The following METTL15 variants were observed in gnomAD, a reference collection of about 807,000 sequenced individuals.
METTL15 encodes 12S rRNA N(4)-cytidine methyltransferase METTL15.
In METTL15, 34 loss-of-function variants were observed where a neutral mutation model predicts 38.3. The observed-to-expected ratio is 0.89, with a 90% CI of 0.68 to 1.18. METTL15 has a LOEUF of 1.18. Among genes scored for constraint, METTL15 ranks in the 50% most tolerant of loss-of-function variants. METTL15 has a pLI of 0.00. For synonymous variants in METTL15, 162 were observed against 170.9 expected (o/e 0.95, Z 0.41); for missense variants, 438 against 498.4 (o/e 0.88, Z 1.15).
At chr11:28,230,700 G>C (rs535032738) in intron 4 of METTL15, among the ~76,000 whole-genome samples, 3 of 151,950 alleles carry the variant, frequency 2.0e-5, no homozygotes, top group South Asian at 2.1e-4. Flanking sequence ...ATAATTACAT[G>C]TATAATCCTC....
intron 5 of METTL15, among the ~76,000 whole-genome samples, chr11:28,378,191 G>A (rs938555116): frequency 8.5e-5 from 13 of 152,170 alleles, no homozygotes; most frequent in Non-Finnish European, 1.5e-4. Context: ...CACCCAGTTC[G>A]AGCTTCCTGG....
chr11:28,382,092 A>T (rs1021745562), intron 5 of METTL15, among the ~76,000 whole-genome samples: 5 of 152,180 alleles, frequency 3.3e-5, no homozygotes, highest in Non-Finnish European at 7.3e-5. Context: ...CCAATAGATC[A>T]CTACCTCTTT....
chr11:28,381,430 T>G (rs1850383072), intron 5 of METTL15, among the ~76,000 whole-genome samples: 1 of 152,188 alleles, frequency 6.6e-6, no homozygotes, highest in Admixed American at 6.5e-5. Context: ...TCTAATTATT[T>G]TTTTGAATAA....
intron 6 of METTL15, among the ~76,000 whole-genome samples, chr11:28,444,027 A>G (rs1393562158): frequency 6.6e-6 from 1 of 152,228 alleles, no homozygotes; most frequent in Non-Finnish European, 1.5e-5. Flanking sequence ...ATGTAATTAC[A>G]AACTATAAAC....
At chr11:28,269,391 A>G (rs1052015191) in intron 4 of METTL15, among the ~76,000 whole-genome samples, 1 of 152,054 alleles carries the variant, frequency 6.6e-6, no homozygotes, top group Non-Finnish European at 1.5e-5. Context: ...TGTGTAATAT[A>G]TTTAAATATA....
At chr11:28,531,722 A>G, downstream of METTL15, among the ~76,000 whole-genome samples, 1 of 152,088 alleles carries the variant, frequency 6.6e-6, no homozygotes, top group East Asian at 1.9e-4. Flanking sequence ...AACTGTTATT[A>G]AATTAAAATT....
chr11:28,135,534 C>T (rs928430701), intron 3 of METTL15, among the ~76,000 whole-genome samples: 11 of 151,914 alleles, frequency 7.2e-5, no homozygotes, highest in African/African-American at 2.7e-4. Context: ...CCAGATTTCC[C>T]AAGGGGCTTT....
At chr11:28,212,682 G>A (rs1344077691) in intron 4 of METTL15, among the ~76,000 whole-genome samples, 1 of 152,038 alleles carries the variant, frequency 6.6e-6, no homozygotes, top group Non-Finnish European at 1.5e-5. Flanking sequence ...TATTGTTTAG[G>A]GAATAGTGAC....
Position 28,375,458 on chromosome 11 carries a change from G to A in METTL15, c.*358+13422G>A, listed in dbSNP as rs1279654673. ...GATTTTCTAGTTTATTTGCATAGAG[G>A]TGTTTGTAGTATTCTCTGATGGTAG... On this transcript the variant is annotated intron_variant and NMD_transcript_variant, in intron 5 of 7. Transcript: ENST00000532947. Among the ~76,000 whole-genome samples, 4 of 151,910 alleles carry A rather than the reference G, an allele frequency of 2.6e-5. No homozygotes were observed. In the East Asian group the frequency reaches 7.7e-4, roughly 29 times the overall value.
intron 5 of METTL15, among the ~76,000 whole-genome samples, chr11:28,377,674 C>G (rs1044260241): frequency 6.6e-6 from 1 of 152,228 alleles, no homozygotes; most frequent in African/African-American, 2.4e-5. Flanking sequence ...AAGTCATTCT[C>G]TGTCCAGCTT....
At chr11:28,271,010 T>C (rs1855618676) in intron 4 of METTL15, among the ~76,000 whole-genome samples, 1 of 152,180 alleles carries the variant, frequency 6.6e-6, no homozygotes, top group Non-Finnish European at 1.5e-5. Flanking sequence ...CTTAAAACAA[T>C]GCATGTCACA....
chr11:28,112,853 G>C (rs186195108), intron 2 of METTL15, among the ~76,000 whole-genome samples: 1 of 152,164 alleles, frequency 6.6e-6, no homozygotes, highest in East Asian at 1.9e-4. Flanking sequence ...AGCATTGTGA[G>C]AAAAACAAAT....
At chr11:28,345,016 AT>A (rs1849984558) in intron 3 of METTL15, among the ~76,000 whole-genome samples, 1 of 152,124 alleles carries the variant, frequency 6.6e-6, no homozygotes, top group Non-Finnish European at 1.5e-5. Flanking sequence ...TCCAGTGTTT[AT>A]TTTACACTTA....
intron 4 of METTL15, among the ~76,000 whole-genome samples, chr11:28,352,545 G>T (rs1452476267): frequency 2.0e-5 from 3 of 152,150 alleles, no homozygotes; most frequent in African/African-American, 4.8e-5. Context: ...TACATACTAA[G>T]TCAAATGTGT....
chr11:28,236,365 T>G (rs1424686630), intron 4 of METTL15, among the ~76,000 whole-genome samples: 1 of 152,194 alleles, frequency 6.6e-6, no homozygotes, highest in East Asian at 1.9e-4. Flanking sequence ...TTGATTGGAA[T>G]AGTTTCAGAA....
intron 6 of METTL15, among the ~76,000 whole-genome samples, chr11:28,320,600 T>G (rs1479598300): frequency 2.0e-5 from 3 of 151,948 alleles, no homozygotes; most frequent in African/African-American, 2.4e-5. Flanking sequence ...AGGTGCTCCA[T>G]GAAAACTAGG....
chr11:28,136,779 A>G lies in METTL15; in HGVS notation c.270+23175A>G, dbSNP rs549251823. Among the ~76,000 whole-genome samples the G allele has an allele frequency of 5.9e-4, 90 of 152,142 alleles. 2 individuals are homozygous for G. In the South Asian group the frequency reaches 0.017, roughly 29 times the overall value. On this transcript the variant is annotated intron_variant, in intron 3 of 6. Transcript: ENST00000407364. ...CAAAAGCTAGGGGTCAGGAAAGACA[A>G]TTTTTGAAGCTGAAGTTTGATTTTG... is the stretch of plus-strand genomic sequence containing the variant.
intron 5 of METTL15, among the ~76,000 whole-genome samples, chr11:28,403,665 C>G (rs1355506014): frequency 1.3e-5 from 2 of 151,928 alleles, no homozygotes; most frequent in African/African-American, 4.8e-5. Flanking sequence ...CACAATGAAC[C>G]ATGTCATAGA....
Position 28,175,124 on chromosome 11 carries a change from T to A in METTL15, c.271-35938T>A, listed in dbSNP as rs185640930. Among the ~76,000 whole-genome samples, 571 of 146,286 alleles carry A rather than the reference T, an allele frequency of 3.9e-3. 3 individuals carry two copies. Among genetic ancestry groups the A allele is most frequent in the Non-Finnish European group, 6.1e-3 (408 of 66,764 alleles). On this transcript the variant is annotated intron_variant, in intron 3 of 6. Transcript: ENST00000407364. Reference sequence around the variant, plus strand: ...ACCCCCACCCCACAACAGGCCCCGATGTGTGATGTTCCCCTTCCTGTGTCC... The same window carrying A: ...ACCCCCACCCCACAACAGGCCCCGAAGTGTGATGTTCCCCTTCCTGTGTCC...
Sources: allele counts gnomAD v4.1 joint callset (sites outside exome capture counted in the v4.1 genomes callset), GRCh38; gene constraint gnomAD v4.1.1; transcripts MANE v1.5; gene names NCBI Gene and HGNC (gene_info 2026-07-23, HGNC 2026-07-21).